The following CDK6 variants were observed in gnomAD, a reference collection of about 807,000 sequenced individuals.
CDK6 encodes the protein cyclin dependent kinase 6, also known as cyclin-dependent kinase 6.
In CDK6, 6 loss-of-function variants were observed where a neutral mutation model predicts 37.1. The observed-to-expected ratio is 0.16, with a 90% CI of 0.09 to 0.32. The LOEUF is 0.32. CDK6 is among the 10% of genes least tolerant of loss of function. The probability of loss-of-function intolerance (pLI) is 1.00; values close to 1 mark genes in which losing one functional copy is unlikely to be tolerated. For synonymous variants in CDK6, 160 were observed against 161.3 expected (o/e 0.99, Z 0.06); for missense variants, 224 against 418.9 (o/e 0.53, Z 4.06).
chr7:92,775,612 G>T (rs1369715148), intron 2 of CDK6, among the ~76,000 whole-genome samples: 1 of 152,002 alleles, frequency 6.6e-6, no homozygotes, highest in Non-Finnish European at 1.5e-5. Flanking sequence ...GGAGTCAAAA[G>T]AATATTCAAG....
chr7:92,742,504 C>T (rs910900413), intron 3 of CDK6, among the ~76,000 whole-genome samples: 1 of 152,152 alleles, frequency 6.6e-6, no homozygotes, highest in African/African-American at 2.4e-5. Flanking sequence ...GTTTCTTTAA[C>T]ACTTATATTT....
chr7:92,775,405 A>T (rs1435423424), intron 2 of CDK6, among the ~76,000 whole-genome samples: 9 of 152,354 alleles, frequency 5.9e-5, no homozygotes, highest in African/African-American at 2.2e-4. Flanking sequence ...TTAGTTTTTA[A>T]AATTCCAATA....
intron 2 of CDK6, among the ~76,000 whole-genome samples, chr7:92,790,069 C>T (rs1401053890): frequency 6.6e-6 from 1 of 152,156 alleles, no homozygotes; most frequent in Non-Finnish European, 1.5e-5. Flanking sequence ...CAACTTCTCT[C>T]TCCAAAATAG....
At chr7:92,800,537 C>A (rs970087050) in intron 2 of CDK6, among the ~76,000 whole-genome samples, 3 of 152,176 alleles carry the variant, frequency 2.0e-5, no homozygotes, top group Non-Finnish European at 4.4e-5. Context: ...CAGGTACACA[C>A]ACACTTTCTC....
chr7:92,815,039 C>G (rs1051209436), intron 2 of CDK6, among the ~76,000 whole-genome samples: 2 of 152,126 alleles, frequency 1.3e-5, no homozygotes, highest in Admixed American at 1.3e-4. Context: ...GTGGAGGAAG[C>G]AGAAGCTGGA....
rs1795439329 is a variant in CDK6, at chr7:92,606,796, A to C, written c.*8344T>G. ...TTTTACAGTGAAAACCTACTTTAAC[A>C]CATCTCAAAATGATAATCGTATAAA... On this transcript the variant is annotated 3_prime_UTR_variant, in exon 8 of 8. Transcript: ENST00000424848. 1 of 233,034 alleles carries C rather than the reference A, an allele frequency of 4.3e-6. No homozygotes were observed. Among genetic ancestry groups the C allele is most frequent in the Admixed American group, 5.6e-5 (1 of 17,788 alleles). The allele number at this position is 233,034 out of a possible 1,614,324, so 14.4% of individuals were successfully genotyped here.
intron 3 of CDK6, among the ~76,000 whole-genome samples, chr7:92,762,399 G>A (rs1290643335): frequency 6.6e-6 from 1 of 152,022 alleles, no homozygotes. Context: ...GGGAAGCAGG[G>A]CCCTCACTCA....
rs1353505157 is a variant in CDK6 at position 92,631,891 on chromosome 7, A to G, written c.648-8805T>C. On this transcript the variant is annotated intron_variant, in intron 5 of 7. Transcript: ENST00000424848. Reference sequence around the variant, plus strand: ...AGCTAAGTGAGTCAAGTTTTCTCTCATGATAGGCTGACTTCAAAGCAACAT... The same window carrying G: ...AGCTAAGTGAGTCAAGTTTTCTCTCGTGATAGGCTGACTTCAAAGCAACAT... 2.6e-5 allele frequency among the ~76,000 whole-genome samples: 4 copies of G among 152,220 alleles called. No individual in the cohort carries two copies. In the East Asian group the frequency reaches 7.7e-4, roughly 29 times the overall value.
At chr7:92,738,984 T>C (rs936794274) in intron 3 of CDK6, among the ~76,000 whole-genome samples, 1 of 152,142 alleles carries the variant, frequency 6.6e-6, no homozygotes, top group Non-Finnish European at 1.5e-5. Context: ...TCAGAACAAT[T>C]TGCACATCTC....
intron 5 of CDK6, among the ~76,000 whole-genome samples, chr7:92,642,941 C>T (rs1003835892): frequency 1.3e-5 from 2 of 150,998 alleles, no homozygotes; most frequent in African/African-American, 4.9e-5. Context: ...GTCACCAAAG[C>T]TGGAATACAG....
intron 2 of CDK6, among the ~76,000 whole-genome samples, chr7:92,787,222 C>T (rs1487144374): frequency 6.7e-6 from 1 of 149,504 alleles, no homozygotes; most frequent in Non-Finnish European, 1.5e-5. Flanking sequence ...TAGCCAGTGG[C>T]TATTTCTGGG....
chr7:92,664,311 G>A (rs1313982716), intron 5 of CDK6, among the ~76,000 whole-genome samples: 2 of 152,194 alleles, frequency 1.3e-5, no homozygotes, highest in Non-Finnish European at 2.9e-5. Flanking sequence ...GAAATGATGG[G>A]TTTCTTCTCA....
intron 2 of CDK6, among the ~76,000 whole-genome samples, chr7:92,786,225 TG>T (rs1380663106): frequency 6.6e-6 from 1 of 152,190 alleles, no homozygotes; most frequent in Non-Finnish European, 1.5e-5. Flanking sequence ...TAATGAAGAC[TG>T]TCTGCTGTGT....
intron 4 of CDK6, among the ~76,000 whole-genome samples, chr7:92,690,597 T>C (rs1797579214): frequency 6.6e-6 from 1 of 152,220 alleles, no homozygotes; most frequent in Non-Finnish European, 1.5e-5. Context: ...ATTCAGCATT[T>C]ACAAAGCTGA....
At chr7:92,714,559 T>C (rs546111355) in intron 4 of CDK6, among the ~76,000 whole-genome samples, 2 of 152,184 alleles carry the variant, frequency 1.3e-5, no homozygotes, top group African/African-American at 4.8e-5. Context: ...GTCCATGTTG[T>C]ATGGCTGTTC....
intron 2 of CDK6, among the ~76,000 whole-genome samples, chr7:92,820,560 T>C (rs1167557851): frequency 6.6e-6 from 1 of 152,104 alleles, no homozygotes; most frequent in Non-Finnish European, 1.5e-5. Flanking sequence ...GGGGATAAAA[T>C]ATTCTCCTCT....
At chr7:92,702,220 CTTTTTTTTTTTTT>C (rs3066453) in intron 4 of CDK6, among the ~76,000 whole-genome samples, 10 of 44,958 alleles carry the variant, frequency 2.2e-4, no homozygotes, top group Non-Finnish European at 2.6e-4. Flanking sequence ...CAAGTATATT[CTTTTTTTTTTTTT>C]TTTTTTTTTT....
chr7:92,658,306 T>C (rs1796751884), intron 5 of CDK6, among the ~76,000 whole-genome samples: 1 of 152,176 alleles, frequency 6.6e-6, no homozygotes, highest in Non-Finnish European at 1.5e-5. Context: ...GCACAAAGAT[T>C]TTACTGCAAC....
intron 2 of CDK6, among the ~76,000 whole-genome samples, chr7:92,781,159 T>C (rs1320591959): frequency 1.3e-5 from 2 of 152,230 alleles, no homozygotes; most frequent in African/African-American, 2.4e-5. Flanking sequence ...TCAGTTTAGC[T>C]GTGCAAAATG....
Sources: allele counts gnomAD v4.1 joint callset (sites outside exome capture counted in the v4.1 genomes callset), GRCh38; gene constraint gnomAD v4.1.1; transcripts MANE v1.5; gene names NCBI Gene and HGNC (gene_info 2026-07-23, HGNC 2026-07-21).